Variants in ANKMY1 observed in about 807,000 individuals in gnomAD.
ANKMY1 encodes the protein ankyrin repeat and MYND domain-containing protein 1.
In ANKMY1, 98 loss-of-function variants were observed where a neutral mutation model predicts 102.0. The ratio of observed to expected loss-of-function variants is 0.96; its 90% confidence interval spans 0.82 to 1.14. ANKMY1 has a LOEUF of 1.14. Among genes scored for constraint, ANKMY1 ranks in the 50% most tolerant of loss-of-function variants. The pLI is 0.00. For synonymous variants in ANKMY1, 582 were observed against 559.9 expected (o/e 1.04, Z -0.56); for missense variants, 1,330 against 1,347.6 (o/e 0.99, Z 0.20).
At chr2:240,526,915 T>C in intron 5 of ANKMY1, 6 of 1,113,820 alleles carry the variant, frequency 5.4e-6, no homozygotes, top group Non-Finnish European at 6.6e-6. Context: ...CACTGATGCC[T>C]CCTGGTGTGT....
Position 240,490,742 on chromosome 2 carries a change from T to C in ANKMY1, c.2807-8481A>G, listed in dbSNP as rs148597112. Among the ~76,000 whole-genome samples, 920 of 152,296 alleles carry C rather than the reference T, an allele frequency of 6.0e-3. 30 individuals are homozygous for C. Among genetic ancestry groups the C allele is most frequent in the East Asian group, 0.034 (177 of 5,190 alleles). On this transcript the variant is annotated intron_variant, in intron 15 of 17. Transcript: ENST00000401804. The stretch of plus-strand genomic sequence containing the variant: ...AAGTTTGTTGAGACTTGTTCTGTGG[T>C]CTAACGTATGGTCTATCCTGGAGGA...
chr2:240,555,348 G>A (rs1024839648), intron 2 of ANKMY1: 5 of 421,188 alleles, frequency 1.2e-5, no homozygotes, highest in Non-Finnish European at 1.7e-5. Flanking sequence ...GCCTGCTGGC[G>A]GCATCTCCTG....
intron 11 of ANKMY1, among the ~76,000 whole-genome samples, chr2:240,511,557 G>A (rs959961587): frequency 2.0e-5 from 3 of 152,264 alleles, no homozygotes; most frequent in African/African-American, 7.2e-5. Flanking sequence ...TGACAGAGGA[G>A]GGTCAGCAGC....
intron 6 of ANKMY1, 170 bp downstream of exon 6, chr2:240,526,059 A>G (rs1314993861): frequency 1.0e-6 from 1 of 972,496 alleles, no homozygotes; most frequent in African/African-American, 1.6e-5. Flanking sequence ...CACGAGTGTC[A>G]CACTCAGCTG....
rs145847447 is a variant in ANKMY1, at chr2:240,482,871, T to C, written c.2807-610A>G. Among the ~76,000 whole-genome samples the C allele has an allele frequency of 6.4e-4, 98 of 152,300 alleles. 1 individual carries two copies. The highest frequency in any genetic ancestry group is 2.3e-3 in the Admixed American group (35 of 15,302). On this transcript the variant is annotated intron_variant, in intron 15 of 17. Coordinates refer to ENST00000401804, the MANE Select transcript of ANKMY1 (RefSeq NM_001282771.3). ...ACCTTCTGCCTAATTTTTTGATCAG[T>C]TGTTGAAAGTGAGGAGTTGACATTT...
chr2:240,545,884 T>C (rs1461167543), intron 4 of ANKMY1, among the ~76,000 whole-genome samples: 2 of 152,194 alleles, frequency 1.3e-5, no homozygotes, highest in East Asian at 3.9e-4. Context: ...CTACGTCTGA[T>C]TGGTATACCT....
chr2:240,520,957 C>T lies in ANKMY1; in HGVS notation c.1833-424G>A, dbSNP rs905850512. 1.3e-5 allele frequency among the ~76,000 whole-genome samples: 2 copies of T among 151,778 alleles called. No individual in the cohort carries two copies. Among genetic ancestry groups the T allele is most frequent in the African/African-American group, 2.4e-5 (1 of 41,280 alleles). Reference sequence around the variant, plus strand: ...CACAACCACACAAACCACACACACACCACACACACCACTCACACCACAAAG... The same window carrying T: ...CACAACCACACAAACCACACACACATCACACACACCACTCACACCACAAAG... On this transcript the variant is annotated intron_variant, in intron 8 of 17. Transcript: ENST00000401804. This position sits in a 1 kb window ranked among gnomAD's most constrained non-coding sequence, Gnocchi z 4.8.
intron 4 of ANKMY1, chr2:240,532,254 A>T (rs527623379): frequency 7.1e-5 from 24 of 337,478 alleles, no homozygotes; most frequent in Non-Finnish European, 1.3e-4. Flanking sequence ...GCCAGGAAAC[A>T]ATGGAGTAGA....
Position 240,529,712 on chromosome 2 carries a change from G to A in ANKMY1, c.481-203C>T, listed in dbSNP as rs1382804965. The stretch of plus-strand genomic sequence containing the variant: ...GCTCTCCCGAGGAACAGGAAGGAGG[G>A]CACTCCAGAGAGTGCATGGAGGGGC... On this transcript the variant is annotated intron_variant, in intron 4 of 17. Transcript: ENST00000401804. The surrounding 1 kb of genome is among the most constrained non-coding windows in gnomAD (Gnocchi z 4.2). Among the ~76,000 whole-genome samples, 1 of 152,202 alleles carries A rather than the reference G, an allele frequency of 6.6e-6. No homozygotes were observed. Among genetic ancestry groups the A allele is most frequent in the East Asian group, 1.9e-4 (1 of 5,188 alleles).
chr2:240,505,942 A>G (rs1250225110), intron 13 of ANKMY1, among the ~76,000 whole-genome samples: 3 of 152,220 alleles, frequency 2.0e-5, no homozygotes, highest in African/African-American at 7.2e-5. Context: ...GTTTAAAAAA[A>G]GGAGCCCTTC....
chr2:240,527,374 T>C (rs2083805320), intron 5 of ANKMY1: 1 of 153,042 alleles, frequency 6.5e-6, no homozygotes, highest in Non-Finnish European at 1.5e-5. Context: ...GGATGTTGCA[T>C]GGGTAGACTG....
chr2:240,555,417 G>A (rs775907418), intron 2 of ANKMY1: 5 of 261,584 alleles, frequency 1.9e-5, no homozygotes, highest in South Asian at 6.7e-5. Flanking sequence ...CCCACAGCAG[G>A]GTCCTCATTC....
At chr2:240,490,575 T>C (rs1221217209) in intron 15 of ANKMY1, among the ~76,000 whole-genome samples, 2 of 152,190 alleles carry the variant, frequency 1.3e-5, no homozygotes, top group South Asian at 4.1e-4. Flanking sequence ...TGTATATACA[T>C]AGTTGTATAT....
chr2:240,539,195 G>A (rs1240566591), intron 4 of ANKMY1, among the ~76,000 whole-genome samples: 2 of 152,124 alleles, frequency 1.3e-5, no homozygotes, highest in Non-Finnish European at 2.9e-5. Flanking sequence ...CTTTGGGTCC[G>A]CACTGCGTTT....
At chr2:240,545,234 C>T (rs944126597) in intron 4 of ANKMY1, among the ~76,000 whole-genome samples, 1 of 152,188 alleles carries the variant, frequency 6.6e-6, no homozygotes, top group African/African-American at 2.4e-5. Context: ...TGGGAGGCAC[C>T]CCCCAGCAGG....
chr2:240,498,373 G>A (rs1474377621), intron 15 of ANKMY1, among the ~76,000 whole-genome samples: 2 of 151,828 alleles, frequency 1.3e-5, no homozygotes, highest in African/African-American at 4.8e-5. Context: ...GTGTCCGTAT[G>A]TGTGTGGAGA....
upstream of ANKMY1, chr2:240,560,533 G>C (rs576520296): frequency 2.6e-6 from 3 of 1,159,244 alleles, no homozygotes; most frequent in Admixed American, 4.3e-5. Context: ...GCCCGCGGGG[G>C]ACCCAAGCCC....
rs1481338673 is a variant in ANKMY1 at position 240,529,297 on chromosome 2, C to CCA, written c.691_692dup (p.Trp231CysfsTer20). ...AGGGATCCTGTCCCTCCTGCAGTCC[C>CCA]CACTCCGTTTTCTCCTCTTCTGAGA... is the stretch of plus-strand genomic sequence containing the variant. On this transcript the variant is annotated frameshift_variant, in exon 5 of 18. Transcript: ENST00000401804. LOFTEE classifies it high-confidence loss of function. This position sits in a 1 kb window ranked among gnomAD's most constrained non-coding sequence, Gnocchi z 4.2. 1 of 1,614,068 alleles carries CCA rather than the reference C, an allele frequency of 6.2e-7. No homozygotes were observed. Among genetic ancestry groups the CCA allele is most frequent in the Non-Finnish European group, 8.5e-7 (1 of 1,180,052 alleles).
intron 13 of ANKMY1, among the ~76,000 whole-genome samples, chr2:240,504,069 G>T (rs533448028): frequency 6.6e-6 from 1 of 152,170 alleles, no homozygotes; most frequent in Non-Finnish European, 1.5e-5. Flanking sequence ...GGCTTCAGCC[G>T]CCCAGGCTAT....
Sources: gnomAD v4.1 joint callset for allele counts (sites outside exome capture counted in the v4.1 genomes callset) on GRCh38, gnomAD v4.1.1 for gene constraint, Gnocchi (gnomAD v3.1) non-coding constraint, MANE v1.5 for transcripts, NCBI Gene and HGNC (gene_info 2026-07-23, HGNC 2026-07-21) for gene names.